DACH2: variants seen among roughly 807,000 people sequenced by gnomAD.
DACH2 encodes the protein dachshund homolog 2.
DACH2 carries 17 observed loss-of-function variants against 35.8 expected under a neutral mutation model. That is an observed-to-expected ratio of 0.48 (90% CI 0.33 to 0.71). The LOEUF (loss-of-function observed/expected upper bound fraction) is 0.71. DACH2 is among the 30% of genes least tolerant of loss of function. DACH2 has a pLI of 0.02. For synonymous variants in DACH2, 195 were observed against 177.3 expected (o/e 1.10, Z -0.79); for missense variants, 469 against 472.7 (o/e 0.99, Z 0.07).
intron 9 of DACH2, 65 bp from the exon 10 acceptor site, chrX:86,814,623 A>C (rs2042427269): frequency 9.6e-7 from 1 of 1,047,054 alleles, no homozygotes; most frequent in Non-Finnish European, 1.3e-6. Flanking sequence ...GTGGCTTATA[A>C]TTCATCAAAA....
intron 6 of DACH2, among the ~76,000 whole-genome samples, chrX:86,717,738 A>G (rs2041353627): frequency 1.3e-5 from 1 of 76,682 alleles, no homozygotes; most frequent in Non-Finnish European, 2.4e-5. Flanking sequence ...CATGTGCCTT[A>G]TTATATATAA....
chrX:86,594,572 T>C (rs929846535), intron 3 of DACH2, among the ~76,000 whole-genome samples: 6 of 111,339 alleles, frequency 5.4e-5, no homozygotes, highest in African/African-American at 1.6e-4. Flanking sequence ...ACTTTTTTTT[T>C]CCATAAACGT....
intron 3 of DACH2, among the ~76,000 whole-genome samples, chrX:86,573,609 C>A (rs1465579263): frequency 1.8e-5 from 2 of 111,629 alleles, no homozygotes; most frequent in Non-Finnish European, 3.8e-5. Context: ...ATTGACCAGC[C>A]TCCACCTGTG....
chrX:86,488,834 T>A (rs1051874359), intron 2 of DACH2, among the ~76,000 whole-genome samples: 4 of 111,777 alleles, frequency 3.6e-5, no homozygotes, highest in Non-Finnish European at 7.6e-5. Flanking sequence ...ACAGTGTTGT[T>A]CAAAGTATTA....
chrX:86,345,594 C>T (rs62593929), intron 1 of DACH2, among the ~76,000 whole-genome samples: 221 of 111,640 alleles, frequency 2.0e-3, no homozygotes, highest in African/African-American at 6.6e-3. Context: ...TTCCTAGAGG[C>T]GAAAGCAATT....
At chrX:86,666,289 T>G (rs899780746) in intron 4 of DACH2, among the ~76,000 whole-genome samples, 2 of 78,984 alleles carry the variant, frequency 2.5e-5, no homozygotes, top group African/African-American at 9.5e-5. Context: ...GTTTTTGGAG[T>G]GGGATGTGTG....
At chrX:86,767,253 G>T (rs1602921136) in intron 7 of DACH2, among the ~76,000 whole-genome samples, 1 of 111,714 alleles carries the variant, frequency 9.0e-6, no homozygotes, top group South Asian at 3.8e-4. Flanking sequence ...GTAAACAGGG[G>T]ATTAACTCGT....
chrX:86,569,185 T>C (rs1415206126), intron 3 of DACH2, among the ~76,000 whole-genome samples: 1 of 111,147 alleles, frequency 9.0e-6, no homozygotes, highest in Non-Finnish European at 1.9e-5. Flanking sequence ...AAGCACCTTT[T>C]CCCAAAGTAA....
chrX:86,218,167 T>C (rs1569305857), intron 1 of DACH2, among the ~76,000 whole-genome samples: 1 of 111,894 alleles, frequency 8.9e-6, no homozygotes, highest in South Asian at 3.7e-4. Context: ...CATCATACTG[T>C]ATATTACAAC....
chrX:86,401,187 G>T (rs948476959), intron 2 of DACH2, among the ~76,000 whole-genome samples: 1 of 112,531 alleles, frequency 8.9e-6, no homozygotes, highest in Non-Finnish European at 1.9e-5. Flanking sequence ...CCAGGTGCAG[G>T]ATATAATCTC....
At chrX:86,589,553 C>A (rs2039617606) in intron 3 of DACH2, among the ~76,000 whole-genome samples, 1 of 111,309 alleles carries the variant, frequency 9.0e-6, no homozygotes, top group African/African-American at 3.3e-5. Context: ...AATAACGATA[C>A]ATTATTAAAT....
chrX:86,315,505 A>G (rs903889107), intron 1 of DACH2, among the ~76,000 whole-genome samples: 1 of 111,599 alleles, frequency 9.0e-6, no homozygotes, highest in African/African-American at 3.3e-5. Context: ...TTGTAAGGCT[A>G]TAGCGGCCAC....
intron 1 of DACH2, among the ~76,000 whole-genome samples, chrX:86,202,734 A>T (rs990024862): frequency 2.3e-4 from 25 of 110,850 alleles, no homozygotes; most frequent in African/African-American, 8.2e-4. Flanking sequence ...GCTCAAAGAG[A>T]TTTTGAGGAT....
chrX:86,330,080 T>C (rs905056475), intron 1 of DACH2, among the ~76,000 whole-genome samples: 32 of 112,296 alleles, frequency 2.8e-4, no homozygotes, highest in African/African-American at 9.7e-4. Context: ...GCCATTGTAT[T>C]AAAGAGAATA....
At chrX:86,651,231 G>T in intron 4 of DACH2, 64 bp downstream of exon 4, 3 of 1,114,216 alleles carry the variant, frequency 2.7e-6, no homozygotes, top group Non-Finnish European at 3.6e-6. Context: ...CAGGAGAGAG[G>T]TGGGATGAGG....
intron 3 of DACH2, among the ~76,000 whole-genome samples, chrX:86,549,702 TA>T (rs1171322565): frequency 3.9e-4 from 43 of 111,231 alleles, no homozygotes; most frequent in African/African-American, 1.3e-3. Flanking sequence ...TAGTCAAAAT[TA>T]AAACATTTTA....
chrX:86,339,818 T>C (rs946631663), intron 1 of DACH2, among the ~76,000 whole-genome samples: 2 of 112,120 alleles, frequency 1.8e-5, no homozygotes, highest in Non-Finnish European at 3.8e-5. Flanking sequence ...AATGCTAATA[T>C]GATGCATATC....
chrX:86,233,916 C>T (rs923607388), intron 1 of DACH2, among the ~76,000 whole-genome samples: 8 of 111,739 alleles, frequency 7.2e-5, no homozygotes, highest in Admixed American at 2.8e-4. Context: ...AATCTCCTAC[C>T]GTGTCCCTCC....
chrX:86,300,186 T>C (rs2034547558), intron 1 of DACH2, among the ~76,000 whole-genome samples: 1 of 111,192 alleles, frequency 9.0e-6, no homozygotes, highest in African/African-American at 3.3e-5. Flanking sequence ...GCATCTCAAA[T>C]AGAATATTTA....
Sources: allele counts gnomAD v4.1 joint callset (sites outside exome capture counted in the v4.1 genomes callset), GRCh38; gene constraint gnomAD v4.1.1; transcripts MANE v1.5; gene names NCBI Gene and HGNC (gene_info 2026-07-23, HGNC 2026-07-21).